The following ZNF544 variants were observed in gnomAD, a reference collection of about 807,000 sequenced individuals.
ZNF544 encodes the protein zinc finger protein 544, also known as zinc finger protein AF020591.
Under a neutral mutation model 13.5 loss-of-function variants are expected in ZNF544, and 10 were observed. The ratio of observed to expected loss-of-function variants is 0.74; its 90% CI spans 0.46 to 1.25. The LOEUF (loss-of-function observed/expected upper bound fraction) is 1.25, where lower values mean the gene tolerates loss of function less well. Ranked by LOEUF, ZNF544 falls within the 50% of genes most tolerant of loss-of-function variation. The probability of loss-of-function intolerance (pLI) is 0.00; values close to 1 mark genes in which losing one functional copy is unlikely to be tolerated. For synonymous variants in ZNF544, 323 were observed against 300.5 expected (o/e 1.07, Z -0.77); for missense variants, 896 against 845.6 (o/e 1.06, Z -0.74).
At chr19:58,266,480 A>G (rs915424233), downstream of ZNF544, among the ~76,000 whole-genome samples, 10 of 138,320 alleles carry the variant, frequency 7.2e-5, no homozygotes, top group Non-Finnish European at 1.5e-4. Flanking sequence ...ATGCCACTGC[A>G]CTCCAGCCTG....
chr19:58,247,826 C>T (rs1331002249), intron 6 of ZNF544, among the ~76,000 whole-genome samples: 1 of 152,152 alleles, frequency 6.6e-6, no homozygotes, highest in Non-Finnish European at 1.5e-5. Flanking sequence ...CCCATGTCTG[C>T]TGTCCTACAG....
At chr19:58,266,316 C>T (rs921288751), downstream of ZNF544, among the ~76,000 whole-genome samples, 2 of 149,198 alleles carry the variant, frequency 1.3e-5, no homozygotes, top group Admixed American at 6.8e-5. Context: ...CAGATCAAGA[C>T]CATCCTGGCT....
At chr19:58,237,781 G>A (rs1295383410) in intron 3 of ZNF544, among the ~76,000 whole-genome samples, 2 of 152,220 alleles carry the variant, frequency 1.3e-5, no homozygotes, top group African/African-American at 4.8e-5. Flanking sequence ...TGTTGGCATG[G>A]CCAGTATTCG....
intron 3 of ZNF544, chr19:58,242,270 T>C: frequency 3.0e-6 from 3 of 985,340 alleles, no homozygotes; most frequent in Non-Finnish European, 3.6e-6. Flanking sequence ...CAGGAGATGA[T>C]GCTGGTGGAA....
At chr19:58,233,245 A>G (rs1780675594) in intron 3 of ZNF544, among the ~76,000 whole-genome samples, 1 of 152,142 alleles carries the variant, frequency 6.6e-6, no homozygotes, top group Admixed American at 6.6e-5. Context: ...CGTGGGAATT[A>G]TGGGAGCTAC....
In ZNF544 at chr19:58,269,298, G is replaced by T. The variant is rs141862148; in HGVS notation, c.245-7025G>T. Among the ~76,000 whole-genome samples, 1,228 of 152,250 alleles carry T rather than the reference G, an allele frequency of 8.1e-3. 17 individuals carry two copies. Among genetic ancestry groups the T allele is most frequent in the African/African-American group, 0.028 (1,162 of 41,544 alleles). The stretch of plus-strand genomic sequence containing the variant: ...AAAAATTCAAAAATTAGCCAGGCAT[G>T]GTGGCAGCCGCCTATAATCCCAGCT... On this transcript the variant is annotated intron_variant, in intron 5 of 6. Transcript: ENST00000595981.
In ZNF544 at chr19:58,263,536, A is replaced by G; in HGVS notation, c.*782A>G. On this transcript the variant is annotated 3_prime_UTR_variant, in exon 7 of 7. Coordinates refer to ENST00000687789, the MANE Select transcript of ZNF544 (RefSeq NM_014480.4). ...ATCAGGTGGCCAAAACATGACTCTC[A>G]GAGTGGGGCTTCATGACCATGTGCA... 1 of 985,480 alleles carries G rather than the reference A, an allele frequency of 1.0e-6. No homozygotes were observed. Among genetic ancestry groups the G allele is most frequent in the Non-Finnish European group, 1.2e-6 (1 of 829,932 alleles). 61.0% of individuals were successfully genotyped at this position (985,480 alleles called of 1,614,324 possible).
Position 58,261,103 on chromosome 19 carries a change from C to A in ZNF544, c.497C>A (p.Ser166Tyr). 1.2e-6 allele frequency: 2 copies of A among 1,614,140 alleles called. No individual in the cohort carries two copies. The highest frequency in any genetic ancestry group is 4.5e-5 in the East Asian group (2 of 44,884). ...HCELELGGGYSLPSTLSLLPT... is the reference protein window; with the variant it reads ...HCELELGGGYYLPSTLSLLPT... Reference sequence around the variant, plus strand: ...GAGCTTGAACTTGGGGGAGGTTATTCTCTACCTTCTACTTTAAGCCTTCTA... The same window carrying A: ...GAGCTTGAACTTGGGGGAGGTTATTATCTACCTTCTACTTTAAGCCTTCTA... The change falls in exon 7 of 7, where the codon TCT becomes TAT. Residue 166 changes from serine (S) to tyrosine (Y), a missense_variant. Transcript: ENST00000687789.
chr19:58,266,253 TC>T (rs1251235701), downstream of ZNF544, among the ~76,000 whole-genome samples: 6 of 129,468 alleles, frequency 4.6e-5, no homozygotes, highest in Non-Finnish European at 9.5e-5. Flanking sequence ...GTGCGGTGGC[TC>T]ACGCCTGTGA....
At chr19:58,260,697 C>T in intron 6 of ZNF544, 154 bp from the exon 7 acceptor site, 2 of 666,576 alleles carry the variant, frequency 3.0e-6, no homozygotes, top group Non-Finnish European at 4.9e-6. Flanking sequence ...TTTGCTGATC[C>T]ATCCCTCCCT....
chr19:58,268,010 A>AT (rs536511314), downstream of ZNF544, among the ~76,000 whole-genome samples: 67 of 151,918 alleles, frequency 4.4e-4, no homozygotes, highest in Admixed American at 1.8e-3. Context: ...CCAGTAAAAA[A>AT]TAAGACAGAC....
intron 5 of ZNF544, 28 bp downstream of exon 5, chr19:58,246,455 T>C: frequency 6.2e-7 from 1 of 1,612,928 alleles, no homozygotes; most frequent in East Asian, 2.2e-5. Flanking sequence ...TGGAAGGAGG[T>C]TCTACCCCTA....
intron 1 of ZNF544, 130 bp from the exon 2 acceptor site, chr19:58,229,338 G>A (rs953842193): frequency 6.6e-6 from 1 of 152,054 alleles, no homozygotes; most frequent in African/African-American, 2.4e-5. Context: ...CCCGACAGAG[G>A]GTGCCTGGGT....
At chr19:58,244,153 G>A (rs988930168) in intron 4 of ZNF544, 97 bp downstream of exon 4, 11 of 1,028,272 alleles carry the variant, frequency 1.1e-5, no homozygotes, top group Admixed American at 9.5e-5. Flanking sequence ...ACACAGGAGC[G>A]CTCCGCAGTG....
At chr19:58,244,496 C>T (rs1196213559) in intron 4 of ZNF544, among the ~76,000 whole-genome samples, 1 of 152,096 alleles carries the variant, frequency 6.6e-6, no homozygotes. Context: ...TCCTGGCTTG[C>T]AGACAGCCGT....
intron 3 of ZNF544, among the ~76,000 whole-genome samples, chr19:58,241,183 T>TAAATATATATATATATATATATATA: frequency 3.2e-5 from 1 of 31,460 alleles, no homozygotes; most frequent in African/African-American, 1.0e-4. Context: ...ATATATATTT[T>TAAATATATATATATATATATATATA]TTTTTTTTTG....
chr19:58,256,532 A>C lies in ZNF544; in HGVS notation c.245-4319A>C, dbSNP rs559347967. ...CAACAGAAGCAAAATGGTTACAGAG[A>C]GATAAACAACTTAAACGGTTACAAG... is the stretch of plus-strand genomic sequence containing the variant. On this transcript the variant is annotated intron_variant, in intron 6 of 6. Coordinates refer to ENST00000687789, the MANE Select transcript of ZNF544 (RefSeq NM_014480.4). Among the ~76,000 whole-genome samples the C allele has an allele frequency of 2.6e-5, 4 of 152,340 alleles. No homozygotes were observed. In the South Asian group the frequency reaches 8.3e-4, roughly 32 times the overall value.
chr19:58,247,945 C>G (rs1359834294), intron 6 of ZNF544, among the ~76,000 whole-genome samples: 1 of 151,628 alleles, frequency 6.6e-6, no homozygotes, highest in Admixed American at 6.6e-5. Flanking sequence ...GACAGAGTCT[C>G]ACTCTGTCAC....
At chr19:58,266,459 G>A (rs1184178562), downstream of ZNF544, among the ~76,000 whole-genome samples, 1 of 139,702 alleles carries the variant, frequency 7.2e-6, no homozygotes, top group Admixed American at 7.7e-5. Flanking sequence ...AGCTTGCAGT[G>A]AGCCAAAATC....
Sources: allele counts gnomAD v4.1 joint callset (sites outside exome capture counted in the v4.1 genomes callset), GRCh38; gene constraint gnomAD v4.1.1; transcripts MANE v1.5; gene names NCBI Gene and HGNC (gene_info 2026-07-23, HGNC 2026-07-21).